HIBCH: variants seen among roughly 807,000 people sequenced by gnomAD.
HIBCH encodes 3-hydroxyisobutyryl-CoA hydrolase.
Under a neutral mutation model 58.2 loss-of-function variants are expected in HIBCH, and 50 were observed. The observed-to-expected ratio is 0.86, with a 90% CI of 0.68 to 1.09. The LOEUF (loss-of-function observed/expected upper bound fraction) is 1.09, where lower values mean the gene tolerates loss of function less well. Ranked by LOEUF, HIBCH falls within the 50% of genes least tolerant of loss-of-function variation. The probability of loss-of-function intolerance (pLI) is 0.00; values close to 1 mark genes in which losing one functional copy is unlikely to be tolerated. For missense variants in HIBCH, 450 were observed against 449.7 expected (o/e 1.00, Z -0.01); for synonymous variants, 151 against 146.9 (o/e 1.03, Z -0.20).
chr2:190,267,671 T>C (rs1687280500), intron 6 of HIBCH, among the ~76,000 whole-genome samples: 1 of 152,258 alleles, frequency 6.6e-6, no homozygotes, highest in Admixed American at 6.5e-5. Context: ...TTTAGACAAG[T>C]ATTTATAAAG....
At chr2:190,202,870 A>T (rs969839046), downstream of HIBCH, 3 of 167,052 alleles carry the variant, frequency 1.8e-5, no homozygotes, top group Admixed American at 6.5e-5. Context: ...TGCCTTCCCC[A>T]GTTGTCGCTT....
In HIBCH at chr2:190,216,720, C is replaced by G. The variant is rs901394536; in HGVS notation, c.892-3645G>C. ...AACCCAATAGAGGCAAAAGAGGATGCCAGTTTGCAATCCCTGAAGTAGAGA... is the reference window on the plus strand; with the variant it reads ...AACCCAATAGAGGCAAAAGAGGATGGCAGTTTGCAATCCCTGAAGTAGAGA... On this transcript the variant is annotated intron_variant, in intron 11 of 13. Coordinates refer to ENST00000359678, the MANE Select transcript of HIBCH (RefSeq NM_014362.4). The surrounding 1 kb of genome is among the most constrained non-coding windows in gnomAD (Gnocchi z 4.2). 1.3e-5 allele frequency among the ~76,000 whole-genome samples: 2 copies of G among 152,168 alleles called. No homozygotes were observed. The highest frequency in any genetic ancestry group is 4.8e-5 in the African/African-American group (2 of 41,430).
chr2:190,318,117 C>T (rs1047457345), intron 1 of HIBCH, among the ~76,000 whole-genome samples: 1 of 152,020 alleles, frequency 6.6e-6, no homozygotes. Flanking sequence ...TGAGCCCCCG[C>T]GCCTAGCCCT....
At chr2:190,220,743 T>C (rs1403114840) in intron 11 of HIBCH, among the ~76,000 whole-genome samples, 3 of 151,916 alleles carry the variant, frequency 2.0e-5, no homozygotes, top group Non-Finnish European at 4.4e-5. Flanking sequence ...TAGTTTTCTT[T>C]AGCAGGGAAC....
chr2:190,200,237 A>ACTAT (rs1481475946), downstream of HIBCH: 2 of 1,029,998 alleles, frequency 1.9e-6, no homozygotes, highest in East Asian at 2.4e-5. Context: ...AGTACAAATA[A>ACTAT]CTATCTGGAT....
intron 1 of HIBCH, among the ~76,000 whole-genome samples, chr2:190,318,043 C>G (rs1416927636): frequency 6.6e-6 from 1 of 151,920 alleles, no homozygotes; most frequent in African/African-American, 2.4e-5. Context: ...CCAGCCTGGT[C>G]TTGAACTCCT....
chr2:190,249,448 A>T (rs987786138), intron 9 of HIBCH, among the ~76,000 whole-genome samples, 192 bp downstream of exon 9: 1 of 152,206 alleles, frequency 6.6e-6, no homozygotes, highest in African/African-American at 2.4e-5. Context: ...GCTGCACAGG[A>T]AAGAAGTCAT....
rs192993573 is a variant in HIBCH, at chr2:190,290,156, G to A, written c.385+249C>T. Among the ~76,000 whole-genome samples, 952 of 152,286 alleles carry A rather than the reference G, an allele frequency of 6.3e-3. 9 individuals are homozygous for A. Among genetic ancestry groups the A allele is most frequent in the African/African-American group, 0.022 (903 of 41,558 alleles). Reference sequence around the variant, plus strand: ...AGCCTCCCAAATTGCTGGGATTACAGGCGTGAGCCACCATGCCTGGCCTCA... The same window carrying A: ...AGCCTCCCAAATTGCTGGGATTACAAGCGTGAGCCACCATGCCTGGCCTCA... On this transcript the variant is annotated intron_variant, in intron 5 of 13. Transcript: ENST00000359678.
chr2:190,294,703 C>T lies in HIBCH; in HGVS notation c.220-73G>A. 7.7e-6 allele frequency: 7 copies of T among 913,834 alleles called. No homozygotes were observed. In the South Asian group the frequency reaches 9.2e-5, roughly 12 times the overall value. The allele number at this position is 913,834 out of a possible 1,614,324, so 56.6% of individuals were successfully genotyped here. ...CTCATTAAAGTTATATGCATATGCA[C>T]ATATATTCAATCATATATTCATATA... On this transcript the variant is annotated intron_variant, in intron 3 of 13. Coordinates refer to ENST00000359678, the MANE Select transcript of HIBCH (RefSeq NM_014362.4).
chr2:190,312,587 G>A (rs566194576), intron 1 of HIBCH, among the ~76,000 whole-genome samples: 1 of 152,350 alleles, frequency 6.6e-6, no homozygotes, highest in East Asian at 1.9e-4. Context: ...CAACTTGGAT[G>A]ACTGAATTTA....
chr2:190,283,904 G>A (rs542270111), intron 6 of HIBCH, among the ~76,000 whole-genome samples: 1 of 152,302 alleles, frequency 6.6e-6, no homozygotes, highest in African/African-American at 2.4e-5. Flanking sequence ...AGAAATAGGA[G>A]CTAATTTATT....
intron 7 of HIBCH, among the ~76,000 whole-genome samples, chr2:190,257,271 T>C (rs993180101): frequency 6.6e-6 from 1 of 152,152 alleles, no homozygotes; most frequent in Non-Finnish European, 1.5e-5. Context: ...TGTAGTAACA[T>C]CTTTAAATTA....
chr2:190,301,500 T>C (rs1207156801), intron 2 of HIBCH, among the ~76,000 whole-genome samples: 3 of 151,344 alleles, frequency 2.0e-5, no homozygotes, highest in Non-Finnish European at 2.9e-5. Flanking sequence ...GGGGAAGGAG[T>C]AGTGCCTGAC....
At chr2:190,294,295 GA>G (rs1688048234) in intron 4 of HIBCH, among the ~76,000 whole-genome samples, 1 of 151,800 alleles carries the variant, frequency 6.6e-6, no homozygotes, top group Non-Finnish European at 1.5e-5. Context: ...ATGATTCAGG[GA>G]GAGAGACAAC....
chr2:190,315,897 ATT>A lies in HIBCH; in HGVS notation c.35+3817_35+3818del, dbSNP rs1257302246. Reference sequence around the variant, plus strand: ...GTTTGCAGGACGAAATACAAATTCAATTTTTTGAATTTGAATTTGTACTGACA... The same window carrying A: ...GTTTGCAGGACGAAATACAAATTCAATTTTGAATTTGAATTTGTACTGACA... On this transcript the variant is annotated intron_variant, in intron 1 of 13. Coordinates refer to ENST00000359678, the MANE Select transcript of HIBCH (RefSeq NM_014362.4). This position sits in a 1 kb window ranked among gnomAD's most constrained non-coding sequence, Gnocchi z 5.4. Among the ~76,000 whole-genome samples, 1 of 152,212 alleles carries A rather than the reference ATT, an allele frequency of 6.6e-6. No homozygotes were observed. The highest frequency in any genetic ancestry group is 1.9e-4 in the East Asian group (1 of 5,202).
At chr2:190,300,947 AG>A (rs1435199791) in intron 2 of HIBCH, among the ~76,000 whole-genome samples, 1 of 152,232 alleles carries the variant, frequency 6.6e-6, no homozygotes, top group Non-Finnish European at 1.5e-5. Context: ...GGCTCGTCAA[AG>A]ATCAGACACA....
chr2:190,200,085 G>C, downstream of HIBCH: 1 of 1,614,090 alleles, frequency 6.2e-7, no homozygotes, highest in South Asian at 1.1e-5. Context: ...ATGCCTTGCA[G>C]CAATGGGCAT....
rs768533194 is a variant in HIBCH, at chr2:190,252,146, AC to A, written c.663+15del. Reference sequence around the variant, plus strand: ...GTTATTCCAACAATACAAAATGCAAACATCTGAAAAAGTACCTTTTCAGAAT... The same window carrying A: ...GTTATTCCAACAATACAAAATGCAAAATCTGAAAAAGTACCTTTTCAGAAT... On this transcript the variant is annotated intron_variant, in intron 8 of 13. Coordinates refer to ENST00000359678, the MANE Select transcript of HIBCH (RefSeq NM_014362.4). The A allele has an allele frequency of 2.5e-6, 4 of 1,612,564 alleles. No homozygotes were observed. Among genetic ancestry groups the A allele is most frequent in the Non-Finnish European group, 3.4e-6 (4 of 1,178,680 alleles).
chr2:190,212,935 A>T (rs770060999), intron 12 of HIBCH, 21 bp downstream of exon 12: 4 of 1,513,140 alleles, frequency 2.6e-6, no homozygotes, highest in Non-Finnish European at 3.6e-6. Flanking sequence ...AAAAAATGAC[A>T]TTTTTTTTTT....
Sources: allele counts gnomAD v4.1 joint callset (sites outside exome capture counted in the v4.1 genomes callset), GRCh38; gene constraint gnomAD v4.1.1; non-coding constraint Gnocchi (gnomAD v3.1); transcripts MANE v1.5; gene names NCBI Gene and HGNC (gene_info 2026-07-23, HGNC 2026-07-21).